The following WDR73 variants were observed in gnomAD, a reference collection of about 807,000 sequenced individuals.
The protein encoded by WDR73 is WD repeat domain 73, also known as integrator complex assembly factor WDR73.
In WDR73, 30 loss-of-function variants were observed where a neutral mutation model predicts 38.2. The ratio of observed to expected loss-of-function variants is 0.79; its 90% CI spans 0.59 to 1.06. WDR73 has a LOEUF of 1.06. WDR73 is among the 50% of genes least tolerant of loss of function. The probability of loss-of-function intolerance (pLI) is 0.00; values close to 1 mark genes in which losing one functional copy is unlikely to be tolerated. For synonymous variants in WDR73, 197 were observed against 176.0 expected, an observed-to-expected ratio of 1.12 and a Z score of -0.94; for missense variants, 487 against 467.0, an observed-to-expected ratio of 1.04 and a Z score of -0.40.
Position 84,645,739 on chromosome 15 carries a change from G to T in WDR73, c.615C>A (p.Thr205=). 6.2e-7 allele frequency: 1 copy of T among 1,611,024 alleles called. No homozygotes were observed. Among genetic ancestry groups the T allele is most frequent in the Non-Finnish European group, 8.5e-7 (1 of 1,178,644 alleles). Residue 205 remains threonine (T), a synonymous_variant, in exon 7 of 8, where the codon ACC becomes ACA. Transcript: ENST00000434634. ...TCTCCAACGGTGCCCACTTCTGCCG[G>T]GTGTCAACAAGCCCCAGCCGGCCTG... ...CASGRLGLVD[T]RQKWAPLENR...
At chr15:84,645,995 G>T (rs752600738) in intron 6 of WDR73, 159 bp from the exon 7 acceptor site, 1 of 1,542,908 alleles carries the variant, frequency 6.5e-7, no homozygotes. Context: ...AGCTGGTTGG[G>T]TGCTGGTCCC....
At position 84,654,263 on chromosome 15, in the gene WDR73, C is replaced by G. The variant is rs756636702; in HGVS notation, c.12G>C (p.Gly4=). ...GCAAGGATTCCACCAGCCAGTCGTC[C>G]CCAGGATCCATGGCAACGACCGCTT... MDP[G]DDWLVESLRL... Residue 4 remains glycine, a synonymous_variant, in exon 1 of 8, where the codon GGG becomes GGC. Transcript: ENST00000434634. 6.2e-7 allele frequency: 1 copy of G among 1,613,962 alleles called. No homozygotes were observed. Among genetic ancestry groups the G allele is most frequent in the Non-Finnish European group, 8.5e-7 (1 of 1,179,828 alleles).
Position 84,639,288 on chromosome 15 carries a change from A to C in WDR73, c.*4182T>G, listed in dbSNP as rs1013283528. On this transcript the variant is annotated 3_prime_UTR_variant, in exon 8 of 8. Coordinates refer to ENST00000434634, the MANE Select transcript of WDR73 (RefSeq NM_032856.5). ...CTCATTTTAGGGAGATGGTCAGTTT[A>C]GGTATGTGTCTGAATTTTATTTAAG... 4 of 152,130 alleles carry C rather than the reference A, an allele frequency of 2.6e-5. No individual in the cohort carries two copies. Among genetic ancestry groups the C allele is most frequent in the African/African-American group, 9.7e-5 (4 of 41,422 alleles). The allele number at this position is 152,130 out of a possible 1,614,324, so 9.4% of individuals were successfully genotyped here.
chr15:84,654,110 C>G, intron 1 of WDR73, 124 bp downstream of exon 1: 3 of 1,319,708 alleles, frequency 2.3e-6, no homozygotes, highest in Non-Finnish European at 3.3e-6. Context: ...TCCACGGTGG[C>G]GAGCCCCGAG....
Position 84,648,617 on chromosome 15 carries a change from G to A in WDR73, c.207C>T (p.Phe69=). Reference sequence around the variant, plus strand: ...GGCGCACTTTGAAATCTCTTTCTGGGAATAAGCCCTAAAATACAAAGGAGT... The same window carrying A: ...GGCGCACTTTGAAATCTCTTTCTGGAAATAAGCCCTAAAATACAAAGGAGT... ...RLSVKENKGL[F]PERDFKVRHG... is the part of the protein sequence containing the mutation. Residue 69 remains phenylalanine, a synonymous_variant, in exon 4 of 8, where the codon TTC becomes TTT. Transcript: ENST00000434634. The A allele has an allele frequency of 1.9e-6, 3 of 1,613,408 alleles. No individual in the cohort carries two copies. Among genetic ancestry groups the A allele is most frequent in the Non-Finnish European group, 2.5e-6 (3 of 1,179,420 alleles).
chr15:84,644,359 G>A (rs1056282697), intron 7 of WDR73: 1 of 152,256 alleles, frequency 6.6e-6, no homozygotes, highest in East Asian at 1.9e-4. Flanking sequence ...TCCTGGTACT[G>A]AAGAGCCAGC....
rs1896464971 is a variant in WDR73, at chr15:84,646,388, G to T, written c.353-40C>A. ...AGAGGCCAAAATCCAGAACTTTAATGAAGGTTTGAAACATGACAGGCTGCC... is the reference window on the plus strand; with the variant it reads ...AGAGGCCAAAATCCAGAACTTTAATTAAGGTTTGAAACATGACAGGCTGCC... On this transcript the variant is annotated intron_variant, in intron 5 of 7. Coordinates refer to ENST00000434634, the MANE Select transcript of WDR73 (RefSeq NM_032856.5). 2.5e-6 allele frequency: 4 copies of T among 1,582,966 alleles called. No homozygotes were observed. The East Asian group carries it at 9.0e-5, about 36-fold the overall frequency.
Position 84,645,526 on chromosome 15 carries a change from T to TG in WDR73, c.827dup (p.Glu277ArgfsTer21). The TG allele has an allele frequency of 6.2e-7, 1 of 1,612,410 alleles. No individual in the cohort carries two copies. The highest frequency in any genetic ancestry group is 1.7e-5 in the Admixed American group (1 of 59,740). ...GGGCCCAAGTCACTCGCAGCAGCTC[T>TG]GGGTCAGGGCTAGGTACGGATACTG... On this transcript the variant is annotated frameshift_variant, in exon 7 of 8. Coordinates refer to ENST00000434634, the MANE Select transcript of WDR73 (RefSeq NM_032856.5). LOFTEE classifies it high-confidence loss of function.
intron 2 of WDR73, chr15:84,653,046 G>A (rs1896672856): frequency 1.1e-5 from 4 of 380,828 alleles, no homozygotes; most frequent in Non-Finnish European, 1.9e-5. Flanking sequence ...AGCCTTCAGA[G>A]TAGCTGGGAT....
intron 7 of WDR73, 66 bp downstream of exon 7, chr15:84,645,405 T>C (rs776215694): frequency 1.3e-6 from 2 of 1,594,328 alleles, no homozygotes; most frequent in South Asian, 1.1e-5. Context: ...GGCTCCTTCC[T>C]GAGCACCCAA....
chr15:84,645,035 C>T, intron 7 of WDR73: 1 of 235,012 alleles, frequency 4.3e-6, no homozygotes, highest in South Asian at 8.7e-5. Flanking sequence ...ACTGCAAGCT[C>T]CGCCTCCCAG....
rs1896259940 is a variant in WDR73, at chr15:84,641,661, G to C, written c.*1809C>G. ...CCTGAGTAGTGGGGATTACAGGTGT[G>C]CCACCACCATGCCCGTCTCTAATTT... On this transcript the variant is annotated 3_prime_UTR_variant, in exon 8 of 8. Coordinates refer to ENST00000434634, the MANE Select transcript of WDR73 (RefSeq NM_032856.5). The C allele has an allele frequency of 6.6e-6, 1 of 152,008 alleles. No individual in the cohort carries two copies. Among genetic ancestry groups the C allele is most frequent in the Non-Finnish European group, 1.5e-5 (1 of 68,028 alleles). The allele number at this position is 152,008 out of a possible 1,614,324, so 9.4% of individuals were successfully genotyped here. A position where few individuals can be genotyped will look rare whatever the true frequency, so the allele number is the denominator to read the frequency against.
rs754411609 is a variant in WDR73, at chr15:84,645,713, T to C, written c.641A>G (p.Asn214Ser). 3.7e-6 allele frequency: 6 copies of C among 1,610,156 alleles called. No homozygotes were observed. The Admixed American group carries it at 6.7e-5, about 18-fold the overall frequency. The change falls in exon 7 of 8, where the codon AAT becomes AGT. Residue 214 changes from asparagine (N) to serine (S), a missense_variant. Physicochemically the swap from Asn to Ser is conservative, Grantham distance 46. Coordinates refer to ENST00000434634, the MANE Select transcript of WDR73 (RefSeq NM_032856.5). ...ACCAGACCCAGGGCCAGGGCTGCGA[T>C]TCTCCAACGGTGCCCACTTCTGCCG... is the stretch of plus-strand genomic sequence containing the variant. ...DTRQKWAPLE[N>S]RSPGPGSGGE...
In WDR73 at chr15:84,643,086, T is replaced by C; in HGVS notation, c.*384A>G. 5.4e-6 allele frequency: 1 copy of C among 183,894 alleles called. No homozygotes were observed. The highest frequency in any genetic ancestry group is 1.1e-5 in the Non-Finnish European group (1 of 87,714). 11.4% of individuals were successfully genotyped at this position (183,894 alleles called of 1,614,324 possible). On this transcript the variant is annotated 3_prime_UTR_variant, in exon 8 of 8. Coordinates refer to ENST00000434634, the MANE Select transcript of WDR73 (RefSeq NM_032856.5). ...TCCTTAATTGCTACTAGGGCTGGGA[T>C]TTTTTCATGTTTATTGGCCCCTCTA...
Position 84,645,749 on chromosome 15 carries a change from A to G in WDR73, c.605T>C (p.Leu202Pro). ...TGCCCACTTCTGCCGGGTGTCAACA[A>G]GCCCCAGCCGGCCTGAAGCACAGCA... ...AFCCASGRLG[L>P]VDTRQKWAPL... The change falls in exon 7 of 8, where the codon CTT becomes CCT. Residue 202 changes from leucine to proline, a missense_variant. By Grantham distance (98) the Leu-to-Pro change is moderately conservative. Transcript: ENST00000434634. The G allele has an allele frequency of 6.2e-7, 1 of 1,611,722 alleles. No homozygotes were observed. The highest frequency in any genetic ancestry group is 8.5e-7 in the Non-Finnish European group (1 of 1,178,896).
chr15:84,643,854 C>A, intron 7 of WDR73, 131 bp from the exon 8 acceptor site: 1 of 1,108,384 alleles, frequency 9.0e-7, no homozygotes, highest in Non-Finnish European at 1.2e-6. Flanking sequence ...TAGCCTCAAG[C>A]GATCCTCCCA....
rs1896338271 is a variant in WDR73, at chr15:84,643,589, G to A, written c.1018C>T (p.Pro340Ser). 3 of 1,612,510 alleles carry A rather than the reference G, an allele frequency of 1.9e-6. No homozygotes were observed. Among genetic ancestry groups the A allele is most frequent in the Non-Finnish European group, 2.5e-6 (3 of 1,179,396 alleles). ...HIFLDGNGMD[P>S]APLVTTHTWH... ...GTGTGGGTGGTGACCAAAGGAGCAG[G>A]GTCCATCCCATTTCCATCTAGGAAG... The change falls in exon 8 of 8, where the codon CCT becomes TCT. Residue 340 changes from proline (P) to serine (S), a missense_variant. By Grantham distance (74) the Pro-to-Ser change is moderately conservative (BLOSUM62 -1). Transcript: ENST00000434634.
chr15:84,652,852 G>C (rs1260389409), intron 2 of WDR73, 50 bp from the exon 3 acceptor site: 4 of 1,139,844 alleles, frequency 3.5e-6, no homozygotes, highest in Middle Eastern at 2.0e-4. Context: ...AAAGATTGCA[G>C]ACCATGCAAT....
In WDR73 at chr15:84,645,512, A is replaced by G. The variant is rs1373595461; in HGVS notation, c.842T>C (p.Val281Ala). 18 of 1,612,246 alleles carry G rather than the reference A, an allele frequency of 1.1e-5. No homozygotes were observed. The highest frequency in any genetic ancestry group is 1.5e-5 in the Non-Finnish European group (18 of 1,179,158). ...VPSPDPELLR[V>A]TWAPGLKNCL... ...ATTCTTCAGGCCTGGGGCCCAAGTC[A>G]CTCGCAGCAGCTCTGGGTCAGGGCT... Residue 281 changes from valine (V) to alanine (A), a missense_variant, in exon 7 of 8, where the codon GTG (valine) becomes GCG (alanine). Coordinates refer to ENST00000434634, the MANE Select transcript of WDR73 (RefSeq NM_032856.5).
Sources: allele counts gnomAD v4.1 joint callset, GRCh38; gene constraint gnomAD v4.1.1; transcripts MANE v1.5; gene names NCBI Gene and HGNC (gene_info 2026-07-23, HGNC 2026-07-21).